The following SMPD3 variants were observed in gnomAD, a reference collection of about 807,000 sequenced individuals.
SMPD3 encodes sphingomyelin phosphodiesterase 3, also known as nSMase-2.
Under a neutral mutation model 55.7 loss-of-function variants are expected in SMPD3, and 21 were observed. The observed-to-expected ratio is 0.38, with a 90% CI of 0.27 to 0.54. SMPD3 has a LOEUF of 0.54. SMPD3 is among the 20% of genes least tolerant of loss of function. SMPD3 has a pLI of 0.80. For missense variants in SMPD3, 842 were observed against 899.6 expected, an observed-to-expected ratio of 0.94 and a Z score of 0.82; for synonymous variants, 457 against 404.3, an observed-to-expected ratio of 1.13 and a Z score of -1.56.
intron 1 of SMPD3, among the ~76,000 whole-genome samples, chr16:68,430,383 G>A (rs2090470089): frequency 1.3e-5 from 2 of 152,198 alleles, no homozygotes. Flanking sequence ...AGGGCCATGG[G>A]TTGTGATTCT....
intron 2 of SMPD3, among the ~76,000 whole-genome samples, chr16:68,384,550 C>T (rs2151999350): frequency 6.6e-6 from 1 of 152,278 alleles, no homozygotes; most frequent in East Asian, 1.9e-4. Context: ...AAATTCCATC[C>T]TTCAAAGCAG....
At position 68,400,191 on chromosome 16, in the gene SMPD3, G is replaced by T. The variant is rs191018275; in HGVS notation, c.-268-13532C>A. On this transcript the variant is annotated intron_variant, in intron 1 of 8. Transcript: ENST00000219334. ...TGCCTCTGCCAAGTGGCCTCTAGAA[G>T]GAACCACCCTCAAATACGTGTCGGG... 4.7e-4 allele frequency among the ~76,000 whole-genome samples: 72 copies of T among 152,364 alleles called. 2 individuals carry two copies. Among genetic ancestry groups the T allele is most frequent in the South Asian group, 1.5e-3 (7 of 4,822 alleles).
intron 2 of SMPD3, among the ~76,000 whole-genome samples, chr16:68,376,980 G>C (rs1435158811): frequency 6.6e-6 from 1 of 152,168 alleles, no homozygotes; most frequent in Non-Finnish European, 1.5e-5. Flanking sequence ...CCCGCTCCTG[G>C]TAGGACCTCC....
intron 1 of SMPD3, among the ~76,000 whole-genome samples, chr16:68,416,063 G>A (rs978823963): frequency 1.3e-5 from 2 of 152,186 alleles, no homozygotes; most frequent in African/African-American, 4.8e-5. Context: ...GCTGCTGGAA[G>A]AGCCAGGCAG....
At chr16:68,442,471 C>T (rs1292574015) in intron 1 of SMPD3, among the ~76,000 whole-genome samples, 1 of 152,216 alleles carries the variant, frequency 6.6e-6, no homozygotes, top group East Asian at 1.9e-4. Flanking sequence ...CTGTGGCTGA[C>T]ACATTTTTGT....
chr16:68,364,208 G>A (rs55968019), intron 5 of SMPD3, among the ~76,000 whole-genome samples: 22,182 of 152,230 alleles, frequency 0.15, 1,778 homozygotes, highest in African/African-American at 0.2. Flanking sequence ...GCAAGTGTTT[G>A]CTGTTTCACT....
At chr16:68,376,542 C>T (rs1041706068) in intron 2 of SMPD3, among the ~76,000 whole-genome samples, 42 of 152,246 alleles carry the variant, frequency 2.8e-4, no homozygotes, top group Non-Finnish European at 2.2e-4. Context: ...CCCCAGGGCT[C>T]CTTATTTTGA....
At chr16:68,411,922 C>G (rs546199843) in intron 1 of SMPD3, among the ~76,000 whole-genome samples, 115 of 152,206 alleles carry the variant, frequency 7.6e-4, no homozygotes, top group Non-Finnish European at 1.4e-3. Context: ...GGATCAGCAC[C>G]TGGCCACCCT....
At chr16:68,444,842 C>T (rs1033514643) in intron 1 of SMPD3, among the ~76,000 whole-genome samples, 26 of 152,340 alleles carry the variant, frequency 1.7e-4, no homozygotes, top group Admixed American at 1.4e-3. Context: ...AGTCACCTTC[C>T]AAACAGGCAA....
chr16:68,359,709 C>A lies in SMPD3; in HGVS notation c.*1497G>T, dbSNP rs143319246. 1 of 152,634 alleles carries A rather than the reference C, an allele frequency of 6.6e-6. No individual in the cohort carries two copies. The highest frequency in any genetic ancestry group is 2.4e-5 in the African/African-American group (1 of 41,450). 9.5% of individuals were successfully genotyped at this position (152,634 alleles called of 1,614,324 possible). The stretch of plus-strand genomic sequence containing the variant: ...GGCTGGGTGTAGGGCCAGGGCGCCA[C>A]GAGGAGCGGAGGTCAGCGGGGATTG... On this transcript the variant is annotated 3_prime_UTR_variant, in exon 9 of 9. Coordinates refer to ENST00000219334, the MANE Select transcript of SMPD3 (RefSeq NM_018667.4).
At position 68,372,284 on chromosome 16, in the gene SMPD3, G is replaced by C. The variant is rs1244691012; in HGVS notation, c.-103C>G. 19 of 1,461,926 alleles carry C rather than the reference G, an allele frequency of 1.3e-5. No homozygotes were observed. The highest frequency in any genetic ancestry group is 2.3e-4 in the Middle Eastern group (1 of 4,290). The allele number at this position is 1,461,926 out of a possible 1,614,324, so 90.6% of individuals were successfully genotyped here. A position where few individuals can be genotyped will look rare whatever the true frequency, so the allele number is the denominator to read the frequency against. ...GGGCGAGTTGGGGGCAGCTGGAGGAGGGGTCACCTCCTGGCGAGATGCAAC... is the reference window on the plus strand; with the variant it reads ...GGGCGAGTTGGGGGCAGCTGGAGGACGGGTCACCTCCTGGCGAGATGCAAC... On this transcript the variant is annotated 5_prime_UTR_variant, in exon 3 of 9. Transcript: ENST00000219334.
chr16:68,439,508 A>C (rs1338856705), intron 1 of SMPD3, among the ~76,000 whole-genome samples: 2 of 152,238 alleles, frequency 1.3e-5, no homozygotes, highest in African/African-American at 4.8e-5. Flanking sequence ...CCTGAAAGTC[A>C]GGGGCCTCCC....
At chr16:68,372,442 A>C (rs1237766617) in intron 2 of SMPD3, 55 bp from the exon 3 acceptor site, 2 of 537,304 alleles carry the variant, frequency 3.7e-6, no homozygotes, top group African/African-American at 3.8e-5. Context: ...GGAGTGGGTC[A>C]GATATGGGGC....
chr16:68,412,931 A>G (rs2152019519), intron 1 of SMPD3, among the ~76,000 whole-genome samples: 1 of 152,362 alleles, frequency 6.6e-6, no homozygotes, highest in Middle Eastern at 3.4e-3. Context: ...CATACACACC[A>G]TCTTAAACAT....
chr16:68,437,929 T>C (rs1161657010), intron 1 of SMPD3, among the ~76,000 whole-genome samples: 1 of 152,184 alleles, frequency 6.6e-6, no homozygotes, highest in Non-Finnish European at 1.5e-5. Flanking sequence ...GAATTCAAGA[T>C]GGCAGGTCCA....
intron 1 of SMPD3, among the ~76,000 whole-genome samples, chr16:68,422,894 T>C (rs997977206): frequency 6.6e-6 from 1 of 151,888 alleles, no homozygotes; most frequent in Non-Finnish European, 1.5e-5. Context: ...AATATTGGAG[T>C]CTCCTTGAAA....
intron 1 of SMPD3, among the ~76,000 whole-genome samples, chr16:68,392,278 TTTAA>T (rs1361584148): frequency 6.6e-6 from 1 of 152,204 alleles, no homozygotes; most frequent in Non-Finnish European, 1.5e-5. Flanking sequence ...TTTTTATTAT[TTTAA>T]TTTTTTATTA....
At chr16:68,413,853 A>T (rs1220302256) in intron 1 of SMPD3, among the ~76,000 whole-genome samples, 2 of 152,084 alleles carry the variant, frequency 1.3e-5, no homozygotes, top group Non-Finnish European at 2.9e-5. Flanking sequence ...ACCAAATATA[A>T]AACCTGGCAT....
chr16:68,423,009 C>A (rs2090407842), intron 1 of SMPD3, among the ~76,000 whole-genome samples: 1 of 152,188 alleles, frequency 6.6e-6, no homozygotes, highest in Non-Finnish European at 1.5e-5. Flanking sequence ...GGGGGCTTCA[C>A]AGTCATTTTC....
Sources: gnomAD v4.1 joint callset for allele counts (sites outside exome capture counted in the v4.1 genomes callset) on GRCh38, gnomAD v4.1.1 for gene constraint, MANE v1.5 for transcripts, NCBI Gene and HGNC (gene_info 2026-07-23, HGNC 2026-07-21) for gene names.